Variants in AGBL1 observed in about 807,000 individuals in gnomAD.
AGBL1 encodes the protein cytosolic carboxypeptidase 4.
Under a neutral mutation model 118.9 loss-of-function variants are expected in AGBL1, and 130 were observed. The ratio of observed to expected loss-of-function variants is 1.09; its 90% CI spans 0.95 to 1.26. The LOEUF (loss-of-function observed/expected upper bound fraction) is 1.26, where lower values mean the gene tolerates loss of function less well. AGBL1 is among the 50% of genes most tolerant of loss of function. The pLI is 0.00. For missense variants in AGBL1, 1,584 were observed against 1,298.1 expected, an observed-to-expected ratio of 1.22 and a Z score of -3.38; for synonymous variants, 555 against 478.9, an observed-to-expected ratio of 1.16 and a Z score of -2.08.
At chr15:86,691,568 G>C (rs2086172421) in intron 22 of AGBL1, among the ~76,000 whole-genome samples, 1 of 152,104 alleles carries the variant, frequency 6.6e-6, no homozygotes, top group Non-Finnish European at 1.5e-5. Flanking sequence ...ATGCATGAGA[G>C]GGAAAATGCC....
chr15:86,588,658 C>T (rs1014703489), intron 21 of AGBL1, among the ~76,000 whole-genome samples: 3 of 152,220 alleles, frequency 2.0e-5, no homozygotes, highest in African/African-American at 7.2e-5. Flanking sequence ...TGGAGCACAG[C>T]AGGCTCACCT....
At chr15:86,210,513 C>G (rs1414214698) in intron 5 of AGBL1, among the ~76,000 whole-genome samples, 5 of 152,138 alleles carry the variant, frequency 3.3e-5, no homozygotes, top group Non-Finnish European at 5.9e-5. Context: ...TTGTTCGTCG[C>G]TTTTTACTCT....
intron 21 of AGBL1, among the ~76,000 whole-genome samples, chr15:86,599,200 A>C (rs1302409625): frequency 6.6e-6 from 1 of 152,174 alleles, no homozygotes; most frequent in Non-Finnish European, 1.5e-5. Flanking sequence ...TACAAAAGTT[A>C]CAAAGGGACA....
intron 17 of AGBL1, among the ~76,000 whole-genome samples, chr15:86,357,238 A>G (rs1047606916): frequency 5.9e-5 from 9 of 152,232 alleles, no homozygotes; most frequent in Non-Finnish European, 1.2e-4. Flanking sequence ...ACAGATTTCA[A>G]CCTAGGATAA....
At chr15:86,258,773 C>T (rs2078937415) in intron 9 of AGBL1, among the ~76,000 whole-genome samples, 1 of 152,022 alleles carries the variant, frequency 6.6e-6, no homozygotes, top group South Asian at 2.1e-4. Context: ...GTGGTGTGAT[C>T]TTGGCTCACT....
rs1208634166 is a variant in AGBL1, at chr15:86,079,901, C to A, written c.-72C>A. The A allele has an allele frequency of 3.5e-6, 4 of 1,156,544 alleles. No individual in the cohort carries two copies. In the African/African-American group the frequency reaches 6.3e-5, roughly 18 times the overall value. 71.6% of individuals were successfully genotyped at this position (1,156,544 alleles called of 1,614,324 possible). A position where few individuals can be genotyped will look rare whatever the true frequency, so the allele number is the denominator to read the frequency against. On this transcript the variant is annotated 5_prime_UTR_variant, in exon 1 of 23. Coordinates refer to ENST00000614907, the MANE Select transcript of AGBL1 (RefSeq NM_001386094.1). ...TCTCCTGCGAGGCGGGCAGCGAGGT[C>A]AGCTTGGCAGCCGCTGCCTCTCCAG...
intron 22 of AGBL1, among the ~76,000 whole-genome samples, chr15:86,699,317 T>G (rs1460651543): frequency 6.6e-6 from 1 of 152,048 alleles, no homozygotes; most frequent in Non-Finnish European, 1.5e-5. Context: ...TTCCTAAAAA[T>G]ATATATTCCT....
At chr15:86,446,302 GCA>G (rs1359953384) in intron 18 of AGBL1, among the ~76,000 whole-genome samples, 1 of 152,160 alleles carries the variant, frequency 6.6e-6, no homozygotes, top group Non-Finnish European at 1.5e-5. Flanking sequence ...GGAGCTGGCT[GCA>G]CAGTTGTTCT....
Position 86,566,092 on chromosome 15 carries a change from C to G in AGBL1, c.2994+11555C>G, listed in dbSNP as rs923421864. 3.9e-5 allele frequency among the ~76,000 whole-genome samples: 5 copies of G among 128,152 alleles called. No homozygotes were observed. The South Asian group carries it at 1.4e-3, about 35-fold the overall frequency. The allele number at this position is 128,152 out of a possible 152,430, so 84.1% of individuals were successfully genotyped here. On this transcript the variant is annotated intron_variant, in intron 21 of 22. Transcript: ENST00000614907. ...CTTGCACTTCCCAGGTGAGGTGATGCCTCGCCCTGCTTTGGCTCACCTCGT... is the reference window on the plus strand; with the variant it reads ...CTTGCACTTCCCAGGTGAGGTGATGGCTCGCCCTGCTTTGGCTCACCTCGT...
rs773606595 is a variant in AGBL1 at position 86,546,029 on chromosome 15, C to T, written c.2713C>T (p.Gln905Ter). 2.5e-6 allele frequency: 4 copies of T among 1,613,192 alleles called. No individual in the cohort carries two copies. Among genetic ancestry groups the T allele is most frequent in the East Asian group, 2.2e-5 (1 of 44,866 alleles). The change falls in exon 20 of 23, where the codon CAA (glutamine) becomes TAA (stop). Residue 905 changes from glutamine to a stop codon, truncating the protein, a stop_gained. Transcript: ENST00000614907. LOFTEE classifies it high-confidence loss of function. ...TTTCTGTGACTTCCATGGCCACTCC[C>T]AAAAGAAGAATGTGTTCCTTTATGG... is the stretch of plus-strand genomic sequence containing the variant. ...VVFCDFHGHS[Q>*]KKNVFLYGCS...
chr15:86,931,275 A>G (rs1015569927), intron 23 of AGBL1, among the ~76,000 whole-genome samples: 6 of 152,142 alleles, frequency 3.9e-5, no homozygotes, highest in African/African-American at 7.2e-5. Context: ...TTGATTTACA[A>G]TTTTGCCTGT....
At chr15:86,632,763 T>A (rs2142440922) in intron 21 of AGBL1, among the ~76,000 whole-genome samples, 1 of 150,998 alleles carries the variant, frequency 6.6e-6, no homozygotes, top group East Asian at 2.0e-4. Flanking sequence ...GCTCTTAAGA[T>A]GCATGTGTAG....
intron 23 of AGBL1, among the ~76,000 whole-genome samples, chr15:86,967,160 T>G (rs992706910): frequency 6.6e-6 from 1 of 152,200 alleles, no homozygotes; most frequent in African/African-American, 2.4e-5. Context: ...TTCACCCACT[T>G]GTTGATGGGG....
rs1415040410 is a variant in AGBL1, at chr15:87,000,392, A to G, written c.3323+12304A>G. Among the ~76,000 whole-genome samples, 4 of 132,162 alleles carry G rather than the reference A, an allele frequency of 3.0e-5. No individual in the cohort carries two copies. The East Asian group carries it at 6.2e-4, about 20-fold the overall frequency. The allele number at this position is 132,162 out of a possible 152,430, so 86.7% of individuals were successfully genotyped here. A position where few individuals can be genotyped will look rare whatever the true frequency, so the allele number is the denominator to read the frequency against. ...CGTTTAAGTCTTTAATCCATCTTCA[A>G]TTGATTTTTGTATAAGGTGTAAGGA... On this transcript the variant is annotated intron_variant, in intron 24 of 24. Transcript: ENST00000441037.
At chr15:86,899,617 A>G (rs1459973136) in intron 22 of AGBL1, among the ~76,000 whole-genome samples, 1 of 152,106 alleles carries the variant, frequency 6.6e-6, no homozygotes, top group African/African-American at 2.4e-5. Flanking sequence ...ACTTATATAT[A>G]TTTATTGGGT....
chr15:87,022,459 T>A (rs1370552348), intron 24 of AGBL1, among the ~76,000 whole-genome samples: 1 of 152,096 alleles, frequency 6.6e-6, no homozygotes, highest in Non-Finnish European at 1.5e-5. Flanking sequence ...TGAGATTATA[T>A]TAAATGACCA....
chr15:86,723,063 A>G (rs1166781878), intron 22 of AGBL1, among the ~76,000 whole-genome samples: 3 of 152,252 alleles, frequency 2.0e-5, no homozygotes, highest in Non-Finnish European at 4.4e-5. Flanking sequence ...GTGGGACTGT[A>G]AACTAGTTCA....
At chr15:86,182,056 A>G (rs1473301743) in intron 5 of AGBL1, among the ~76,000 whole-genome samples, 1 of 151,992 alleles carries the variant, frequency 6.6e-6, no homozygotes, top group Non-Finnish European at 1.5e-5. Context: ...TAAAATAGAG[A>G]AGGGTTTTTT....
intron 22 of AGBL1, among the ~76,000 whole-genome samples, chr15:86,825,895 A>AGATAGATGGATG (rs1405890577): frequency 3.3e-4 from 5 of 15,032 alleles, no homozygotes; most frequent in Non-Finnish European, 1.4e-3. Context: ...ATGGATAGAT[A>AGATAGATGGATG]GATAGATAGA....
Sources: gnomAD v4.1 joint callset for allele counts (sites outside exome capture counted in the v4.1 genomes callset) on GRCh38, gnomAD v4.1.1 for gene constraint, MANE v1.5 for transcripts, NCBI Gene and HGNC (gene_info 2026-07-23, HGNC 2026-07-21) for gene names.